FHIT: variants seen among roughly 807,000 people sequenced by gnomAD.
FHIT encodes fragile histidine triad diadenosine triphosphatase, also known as bis(5'-adenosyl)-triphosphatase.
FHIT carries 19 observed loss-of-function variants against 17.9 expected under a neutral mutation model. The observed-to-expected ratio is 1.06, with a 90% CI of 0.74 to 1.56. The LOEUF (loss-of-function observed/expected upper bound fraction) is 1.56. Ranked by LOEUF, FHIT falls within the 40% of genes most tolerant of loss-of-function variation. The pLI is 0.00. For synonymous variants in FHIT, 81 were observed against 69.7 expected, an observed-to-expected ratio of 1.16 and a Z score of -0.81; for missense variants, 248 against 189.2, an observed-to-expected ratio of 1.31 and a Z score of -1.82.
At chr3:60,439,413 T>C (rs1046263522) in intron 5 of FHIT, among the ~76,000 whole-genome samples, 9 of 152,164 alleles carry the variant, frequency 5.9e-5, no homozygotes, top group Admixed American at 3.3e-4. Flanking sequence ...GCTTCTACTG[T>C]GCTCTGTGCA....
chr3:61,211,051 G>A (rs62268422), intron 1 of FHIT, among the ~76,000 whole-genome samples: 21,420 of 151,734 alleles, frequency 0.14, 1,639 homozygotes, highest in African/African-American at 0.16. Context: ...AAACAGCTCC[G>A]GTCTACAGCT....
intron 3 of FHIT, among the ~76,000 whole-genome samples, chr3:61,005,676 G>A (rs914234227): frequency 1.3e-5 from 2 of 152,142 alleles, no homozygotes; most frequent in Non-Finnish European, 2.9e-5. Context: ...TGTGGTGCAT[G>A]GCTGGGCCAC....
chr3:60,783,219 T>C (rs1486853389), intron 4 of FHIT, among the ~76,000 whole-genome samples: 1 of 152,110 alleles, frequency 6.6e-6, no homozygotes, highest in Non-Finnish European at 1.5e-5. Context: ...TGTTCCAACA[T>C]ACGAATTTGT....
intron 5 of FHIT, among the ~76,000 whole-genome samples, chr3:60,189,406 C>G (rs1370198854): frequency 6.6e-6 from 1 of 152,130 alleles, no homozygotes; most frequent in Admixed American, 6.6e-5. Context: ...ATTTGAGTAT[C>G]ATTTACTGAA....
intron 3 of FHIT, among the ~76,000 whole-genome samples, chr3:60,865,997 G>A (rs1028543943): frequency 2.6e-5 from 4 of 152,044 alleles, no homozygotes; most frequent in East Asian, 3.9e-4. Flanking sequence ...GAAGTGACTC[G>A]GGGAAGCATT....
At chr3:59,948,374 G>GGCC (rs34335070) in intron 7 of FHIT, among the ~76,000 whole-genome samples, 8 of 148,856 alleles carry the variant, frequency 5.4e-5, no homozygotes, top group Non-Finnish European at 1.2e-4. Flanking sequence ...AAAATTAGCC[G>GGCC]GGCATAGTGG....
intron 5 of FHIT, among the ~76,000 whole-genome samples, chr3:60,384,216 T>G (rs1332437086): frequency 1.3e-5 from 2 of 149,686 alleles, no homozygotes; most frequent in Admixed American, 1.3e-4. Context: ...TGTGGTGAGC[T>G]GAGATCACAC....
chr3:59,789,250 A>T (rs1699447655), intron 8 of FHIT, among the ~76,000 whole-genome samples: 1 of 152,178 alleles, frequency 6.6e-6, no homozygotes, highest in Non-Finnish European at 1.5e-5. Context: ...TAAAATATTG[A>T]CTATCTATGA....
In FHIT at chr3:60,124,049, G is replaced by C. The variant is rs141074475; in HGVS notation, c.104-109897C>G. 5.7e-3 allele frequency among the ~76,000 whole-genome samples: 620 copies of C among 109,476 alleles called. 19 individuals carry two copies. The highest frequency in any genetic ancestry group is 0.024 in the African/African-American group (558 of 23,008). The allele number at this position is 109,476 out of a possible 152,430, so 71.8% of individuals were successfully genotyped here. ...AGAGAGAGAGAGAGAGAGAGAGAGA[G>C]AGAGAGACAGAGAGAGAGAGAGATA... is the stretch of plus-strand genomic sequence containing the variant. On this transcript the variant is annotated intron_variant, in intron 5 of 9. Coordinates refer to ENST00000492590, the MANE Select transcript of FHIT (RefSeq NM_002012.4).
intron 4 of FHIT, among the ~76,000 whole-genome samples, chr3:60,785,343 G>A (rs1553726569): frequency 2.0e-5 from 3 of 152,186 alleles, no homozygotes; most frequent in Non-Finnish European, 4.4e-5. Context: ...TGTAACAATA[G>A]GAGTGGTCTG....
chr3:61,117,947 T>A (rs1320469639), intron 2 of FHIT, among the ~76,000 whole-genome samples: 2 of 152,182 alleles, frequency 1.3e-5, no homozygotes, highest in East Asian at 3.8e-4. Flanking sequence ...TCTTTTGAGT[T>A]CATTTATACA....
intron 4 of FHIT, among the ~76,000 whole-genome samples, chr3:60,653,597 C>G (rs1021836661): frequency 1.3e-5 from 2 of 151,898 alleles, no homozygotes; most frequent in Non-Finnish European, 2.9e-5. Context: ...GTATAGGAAT[C>G]TACTTGATAC....
intron 5 of FHIT, among the ~76,000 whole-genome samples, chr3:60,254,612 T>C (rs1014615186): frequency 6.6e-6 from 1 of 152,174 alleles, no homozygotes; most frequent in East Asian, 1.9e-4. Context: ...TCAAATCACA[T>C]ATATTTCAAT....
At chr3:60,913,709 G>A (rs1706856746) in intron 3 of FHIT, among the ~76,000 whole-genome samples, 1 of 152,202 alleles carries the variant, frequency 6.6e-6, no homozygotes, top group Admixed American at 6.5e-5. Context: ...GTTGACTGGG[G>A]TAGTTCAACA....
intron 5 of FHIT, among the ~76,000 whole-genome samples, chr3:60,520,766 TGA>T (rs1259099816): frequency 6.6e-6 from 1 of 152,142 alleles, no homozygotes; most frequent in Non-Finnish European, 1.5e-5. Flanking sequence ...TTATGGTTAA[TGA>T]GAGTTGAGCA....
chr3:61,150,151 T>C (rs575001919), intron 2 of FHIT, among the ~76,000 whole-genome samples: 1 of 152,218 alleles, frequency 6.6e-6, no homozygotes, highest in East Asian at 1.9e-4. Flanking sequence ...CTTGGACTCA[T>C]GGAACCTTCA....
chr3:60,280,937 C>T, intron 5 of FHIT, among the ~76,000 whole-genome samples: 1 of 23,940 alleles, frequency 4.2e-5, no homozygotes, highest in East Asian at 0.013. Context: ...GTAGAAAAAT[C>T]CTAAAAAATT....
chr3:59,836,072 T>C lies in FHIT; in HGVS notation c.349-83751A>G, dbSNP rs2367088. On this transcript the variant is annotated intron_variant, in intron 8 of 9. Coordinates refer to ENST00000492590, the MANE Select transcript of FHIT (RefSeq NM_002012.4). ...AAGAATATCCATGAATGTTACTAAA[T>C]GCAGCATGCCCAAGATGGAGTCCTC... 1.7e-3 allele frequency among the ~76,000 whole-genome samples: 253 copies of C among 152,274 alleles called. 1 individual carries two copies. Among genetic ancestry groups the C allele is most frequent in the African/African-American group, 5.7e-3 (237 of 41,568 alleles).
intron 5 of FHIT, among the ~76,000 whole-genome samples, chr3:60,171,717 T>A (rs1701421783): frequency 6.6e-6 from 1 of 152,178 alleles, no homozygotes; most frequent in African/African-American, 2.4e-5. Context: ...ATTCGTTTTT[T>A]TGGAGACAGG....
Sources: allele counts gnomAD v4.1 joint callset (sites outside exome capture counted in the v4.1 genomes callset), GRCh38; gene constraint gnomAD v4.1.1; transcripts MANE v1.5; gene names NCBI Gene and HGNC (gene_info 2026-07-23, HGNC 2026-07-21).